ANK3: variants seen among roughly 807,000 people sequenced by gnomAD.
ANK3 encodes the protein ankyrin-3.
A neutral mutation model predicts 370.9 loss-of-function variants in ANK3; 57 were observed. The observed-to-expected ratio is 0.15, with a 90% confidence interval of 0.12 to 0.19. The LOEUF (loss-of-function observed/expected upper bound fraction) is 0.19. ANK3 is among the 10% of genes least tolerant of loss of function. ANK3 has a pLI of 1.00. For synonymous variants in ANK3, 1,929 were observed against 1,946.3 expected (o/e 0.99, Z 0.23); for missense variants, 4,439 against 5,302.1 (o/e 0.84, Z 5.06).
chr10:60,655,762 C>G (rs962454192), intron 1 of ANK3, among the ~76,000 whole-genome samples: 16 of 152,086 alleles, frequency 1.1e-4, no homozygotes, highest in African/African-American at 3.9e-4. Flanking sequence ...AGGGACTCAC[C>G]CAGTGCAAGG....
chr10:60,498,524 C>G (rs764395296), intron 2 of ANK3, among the ~76,000 whole-genome samples: 2 of 152,026 alleles, frequency 1.3e-5, no homozygotes, highest in Non-Finnish European at 2.9e-5. Context: ...GAGTAGCTGG[C>G]ACCACAAGTG....
chr10:60,075,133 G>C lies in ANK3; in HGVS notation c.5748C>G (p.Thr1916=). Residue 1916 remains threonine, a synonymous_variant, in exon 37 of 44, where the codon ACC becomes ACG. Coordinates refer to ENST00000280772, the MANE Select transcript of ANK3 (RefSeq NM_020987.5). The part of the protein sequence containing the change: ...AEMKEDLMRM[T]AILQTDVPEE... ...CAGGCACATCTGTCTGTAGTATTGC[G>C]GTCATCCGCATTAGGTCCTCTTTCA... 1.2e-6 allele frequency: 2 copies of C among 1,614,022 alleles called. No homozygotes were observed. Among genetic ancestry groups the C allele is most frequent in the South Asian group, 1.1e-5 (1 of 91,080 alleles).
intron 2 of ANK3, among the ~76,000 whole-genome samples, chr10:60,445,399 A>ACAAG (rs1337097478): frequency 3.3e-5 from 5 of 152,170 alleles, no homozygotes; most frequent in Non-Finnish European, 7.3e-5. Context: ...CAAAAAACAA[A>ACAAG]CAAGCAAGCA....
chr10:60,387,250 T>C lies in ANK3; in HGVS notation c.114+2175A>G, dbSNP rs2062511453. On this transcript the variant is annotated intron_variant, in intron 1 of 43. Transcript: ENST00000280772. ...CCACAAAATATTTAGAAGCAGCATT[T>C]TTTATTGACATGAGGTCTACAACAT... Among the ~76,000 whole-genome samples, 3 of 152,302 alleles carry C rather than the reference T, an allele frequency of 2.0e-5. No individual in the cohort carries two copies. In the South Asian group the frequency reaches 6.2e-4, roughly 32 times the overall value.
At chr10:60,150,235 C>T (rs2095044388) in intron 23 of ANK3, among the ~76,000 whole-genome samples, 1 of 152,082 alleles carries the variant, frequency 6.6e-6, no homozygotes, top group Non-Finnish European at 1.5e-5. Flanking sequence ...CGTCTGCACC[C>T]TTGTCCCCAC....
chr10:60,440,228 C>T (rs935061217), intron 2 of ANK3, among the ~76,000 whole-genome samples: 15 of 152,204 alleles, frequency 9.9e-5, no homozygotes, highest in East Asian at 9.7e-4. Context: ...AGCAGCTGTA[C>T]GAAATGATCT....
rs1367510018 is a variant in ANK3 at position 60,166,722 on chromosome 10, T to C, written c.2552-69A>G. 1.5e-5 allele frequency: 24 copies of C among 1,586,814 alleles called. No individual in the cohort carries two copies. In the Admixed American group the frequency reaches 4.0e-4, roughly 27 times the overall value. On this transcript the variant is annotated intron_variant, in intron 22 of 43. Coordinates refer to ENST00000280772, the MANE Select transcript of ANK3 (RefSeq NM_020987.5). ...ACTCTTGATATTACAACAAAACGTT[T>C]CAATATTCCTGATAAACATTTTTGC...
In ANK3 at chr10:60,127,263, C is replaced by T. The variant is rs186560570; in HGVS notation, c.2841+7008G>A. On this transcript the variant is annotated intron_variant, in intron 25 of 43. Coordinates refer to ENST00000280772, the MANE Select transcript of ANK3 (RefSeq NM_020987.5). Reference sequence around the variant, plus strand: ...ATCCAGGAGATAGGAATGCTCTGAACGGCCAGAATTGGGTCTCACTGTTGC... The same window carrying T: ...ATCCAGGAGATAGGAATGCTCTGAATGGCCAGAATTGGGTCTCACTGTTGC... Among the ~76,000 whole-genome samples, 497 of 152,258 alleles carry T rather than the reference C, an allele frequency of 3.3e-3. 7 individuals are homozygous for T. Among genetic ancestry groups the T allele is most frequent in the East Asian group, 3.1e-3 (16 of 5,180 alleles).
At chr10:60,039,221 G>T (rs1225400069) in intron 43 of ANK3, among the ~76,000 whole-genome samples, 1 of 152,134 alleles carries the variant, frequency 6.6e-6, no homozygotes, top group Non-Finnish European at 1.5e-5. Flanking sequence ...TCAGGTAAAG[G>T]GCTGCCTTGA....
intron 2 of ANK3, among the ~76,000 whole-genome samples, chr10:60,502,821 G>T (rs956177109): frequency 1.7e-5 from 1 of 59,704 alleles, no homozygotes; most frequent in Non-Finnish European, 3.4e-5. Flanking sequence ...GAGAAGAAAA[G>T]AAAAGAAAGA....
intron 1 of ANK3, among the ~76,000 whole-genome samples, chr10:60,372,116 T>A (rs966943428): frequency 6.6e-6 from 1 of 152,210 alleles, no homozygotes; most frequent in Non-Finnish European, 1.5e-5. Context: ...ACAAATCAGT[T>A]AAATTCATAT....
chr10:60,353,053 G>A (rs1288034369), intron 1 of ANK3, among the ~76,000 whole-genome samples: 3 of 151,890 alleles, frequency 2.0e-5, no homozygotes, highest in Admixed American at 6.6e-5. Flanking sequence ...GCGTGATCTC[G>A]GCTCACTGCA....
intron 2 of ANK3, among the ~76,000 whole-genome samples, chr10:60,563,450 G>C (rs1460839148): frequency 6.6e-6 from 1 of 152,148 alleles, no homozygotes; most frequent in East Asian, 1.9e-4. Flanking sequence ...TTGGAATTCA[G>C]AACTTTTTCA....
chr10:60,625,302 T>C (rs1338620385), intron 1 of ANK3, among the ~76,000 whole-genome samples: 1 of 152,184 alleles, frequency 6.6e-6, no homozygotes, highest in Non-Finnish European at 1.5e-5. Flanking sequence ...CCATGAGAGA[T>C]GATAATGCAT....
At chr10:60,097,893 G>A (rs2090453998) in intron 28 of ANK3, among the ~76,000 whole-genome samples, 1 of 152,164 alleles carries the variant, frequency 6.6e-6, no homozygotes, top group Non-Finnish European at 1.5e-5. Context: ...CTAGTCAGGT[G>A]CAGGCTTTTC....
Position 60,108,863 on chromosome 10 carries a change from A to G in ANK3, c.3140T>C (p.Val1047Ala). The G allele has an allele frequency of 6.2e-7, 1 of 1,614,144 alleles. No homozygotes were observed. The highest frequency in any genetic ancestry group is 8.5e-7 in the Non-Finnish European group (1 of 1,179,974). ...TTGTGCCCCTGCAGGACCCATTTCTACCAGCCTACTGGCTAATCCCTCTCC... is the reference window on the plus strand; with the variant it reads ...TTGTGCCCCTGCAGGACCCATTTCTGCCAGCCTACTGGCTAATCCCTCTCC... ...VEGEGLASRLVEMGPAGAQFL... is the reference protein window; with the variant it reads ...VEGEGLASRLAEMGPAGAQFL... Residue 1047 changes from valine (V) to alanine (A), a missense_variant, in exon 27 of 44, where the codon GTA becomes GCA. By Grantham distance (64) the Val-to-Ala change is moderately conservative (BLOSUM62 0). This residue lies in a region of ANK3 where 702 missense variants were observed against 941.5 expected (regional missense o/e 0.75). Coordinates refer to ENST00000280772, the MANE Select transcript of ANK3 (RefSeq NM_020987.5).
At chr10:60,602,093 G>C (rs2078072280) in intron 2 of ANK3, among the ~76,000 whole-genome samples, 1 of 151,958 alleles carries the variant, frequency 6.6e-6, no homozygotes, top group South Asian at 2.1e-4. Flanking sequence ...TTAATACAGG[G>C]CTTACCATGT....
At chr10:60,548,363 C>T (rs2077017792) in intron 2 of ANK3, among the ~76,000 whole-genome samples, 1 of 151,864 alleles carries the variant, frequency 6.6e-6, no homozygotes. Flanking sequence ...AGGCACCCAC[C>T]ACCATGTGCA....
At chr10:60,716,493 T>C (rs1202938295) in intron 1 of ANK3, among the ~76,000 whole-genome samples, 1 of 152,138 alleles carries the variant, frequency 6.6e-6, no homozygotes, top group African/African-American at 2.4e-5. Context: ...TATTTTCTCT[T>C]ACAATCTCAC....
Sources: allele counts gnomAD v4.1 joint callset (sites outside exome capture counted in the v4.1 genomes callset), GRCh38; gene constraint gnomAD v4.1.1; regional missense constraint gnomAD v4.1.1; transcripts MANE v1.5; gene names NCBI Gene and HGNC (gene_info 2026-07-23, HGNC 2026-07-21).